ARRDC2: variants seen among roughly 807,000 people sequenced by gnomAD.
The protein encoded by ARRDC2 is arrestin domain-containing protein 2.
ARRDC2 carries 39 observed loss-of-function variants against 38.9 expected under a neutral mutation model. That is an observed-to-expected ratio of 1.00 (90% CI 0.78 to 1.31). The LOEUF (loss-of-function observed/expected upper bound fraction) is 1.31. Among genes scored for constraint, ARRDC2 ranks in the 50% most tolerant of loss-of-function variants. ARRDC2 has a pLI of 0.00. For synonymous variants in ARRDC2, 300 were observed against 261.9 expected (o/e 1.15, Z -1.41); for missense variants, 553 against 588.4 (o/e 0.94, Z 0.62).
At chr19:18,006,390 T>TGAGGCTGGTG (rs1371016858), upstream of ARRDC2, among the ~76,000 whole-genome samples, 2 of 151,992 alleles carry the variant, frequency 1.3e-5, no homozygotes, top group African/African-American at 4.8e-5. Flanking sequence ...CTCGGGAGGC[T>TGAGGCTGGTG]GAGGCTGGTG....
At chr19:18,004,693 CAA>C (rs112781194), upstream of ARRDC2, among the ~76,000 whole-genome samples, 7 of 126,792 alleles carry the variant, frequency 5.5e-5, no homozygotes, top group Admixed American at 1.7e-4. Context: ...GACCCTGTCT[CAA>C]AAAAAAAAAA....
intron 7 of ARRDC2, among the ~76,000 whole-genome samples, chr19:18,012,446 G>T (rs2033433241): frequency 6.6e-6 from 1 of 151,996 alleles, no homozygotes; most frequent in Admixed American, 6.6e-5. Context: ...AATTAGCTGG[G>T]TGTGGTGGCA....
chr19:18,008,120 C>CCCCCCCCCCCCCCCCCCCCCCT, upstream of ARRDC2: 1 of 572,700 alleles, frequency 1.7e-6, no homozygotes, highest in Non-Finnish European at 2.6e-6. Flanking sequence ...ACGGTGACCC[C>CCCCCCCCCCCCCCCCCCCCCCT]ACCCCCCCCC....
At position 18,009,887 on chromosome 19, in the gene ARRDC2, C is replaced by T. The variant is rs1362051873; in HGVS notation, c.697C>T (p.Arg233Ter). 3.7e-6 allele frequency: 6 copies of T among 1,610,686 alleles called. No individual in the cohort carries two copies. Among genetic ancestry groups the T allele is most frequent in the Non-Finnish European group, 5.1e-6 (6 of 1,179,704 alleles). ...QTQTFMARGARKQKRAVVASL... is the reference protein window; with the variant it reads ...QTQTFMARGA The stretch of plus-strand genomic sequence containing the variant: ...ACAGACGTTCATGGCCCGAGGCGCC[C>T]GAAAGCAGAAACGGGCAGTGGTGGC... Residue 233 changes from arginine (R) to a stop codon, truncating the protein, a stop_gained, in exon 5 of 8, where the codon CGA becomes TGA. Coordinates refer to ENST00000222250, the MANE Select transcript of ARRDC2 (RefSeq NM_015683.2). LOFTEE classifies it high-confidence loss of function.
At chr19:18,006,436 C>T (rs377029482), upstream of ARRDC2, among the ~76,000 whole-genome samples, 1 of 152,320 alleles carries the variant, frequency 6.6e-6, no homozygotes, top group Non-Finnish European at 1.5e-5. Context: ...ACCAGCCGGG[C>T]CAACACAGCG....
At chr19:18,003,657 G>T (rs539645193), upstream of ARRDC2, among the ~76,000 whole-genome samples, 100 of 136,260 alleles carry the variant, frequency 7.3e-4, no homozygotes, top group South Asian at 1.2e-3. Context: ...TGTTTGTTTG[G>T]GGGACGGAGT....
At chr19:18,010,468 C>A in intron 6 of ARRDC2, 104 bp from the exon 7 acceptor site, 1 of 1,553,944 alleles carries the variant, frequency 6.4e-7, no homozygotes, top group South Asian at 1.2e-5. Flanking sequence ...AAAGGACATA[C>A]AGCCTGGCAG....
At chr19:18,005,878 C>G (rs543992641), upstream of ARRDC2, among the ~76,000 whole-genome samples, 25 of 146,634 alleles carry the variant, frequency 1.7e-4, 1 homozygote, top group East Asian at 3.6e-3. Flanking sequence ...GACGGGGCGG[C>G]TGCCGGGCGG....
At chr19:18,006,494 C>T (rs547904755), upstream of ARRDC2, among the ~76,000 whole-genome samples, 1 of 152,320 alleles carries the variant, frequency 6.6e-6, no homozygotes, top group South Asian at 2.1e-4. Flanking sequence ...CGGCGCGCGC[C>T]TGCAATCGCA....
At chr19:18,008,161 C>T (rs975387589), upstream of ARRDC2, 31 of 1,410,374 alleles carry the variant, frequency 2.2e-5, no homozygotes, top group South Asian at 2.0e-4. Flanking sequence ...CGCCGACGCA[C>T]GGCGCGGGGA....
intron 1 of ARRDC2, among the ~76,000 whole-genome samples, chr19:18,002,639 A>C (rs1005381478): frequency 1.3e-5 from 2 of 152,194 alleles, no homozygotes; most frequent in African/African-American, 4.8e-5. Context: ...CACAAGAGCC[A>C]CAGGTGCGGG....
Position 18,008,275 on chromosome 19 carries a change from A to G in ARRDC2, c.-36A>G. On this transcript the variant is annotated 5_prime_UTR_variant, in exon 1 of 8. Coordinates refer to ENST00000222250, the MANE Select transcript of ARRDC2 (RefSeq NM_015683.2). ...GCTGCCGGTTCGCGAGTTCGAGGCC[A>G]GGTTCCGCCTGTCGTGGGTTCGCAC... is the stretch of plus-strand genomic sequence containing the variant. The G allele has an allele frequency of 6.3e-7, 1 of 1,575,740 alleles. No individual in the cohort carries two copies. The highest frequency in any genetic ancestry group is 8.5e-7 in the Non-Finnish European group (1 of 1,171,356).
chr19:18,008,395 G>A lies in ARRDC2; in HGVS notation c.85G>A (p.Ala29Thr). The A allele has an allele frequency of 3.1e-6, 5 of 1,595,026 alleles. No homozygotes were observed. Among genetic ancestry groups the A allele is most frequent in the Non-Finnish European group, 4.2e-6 (5 of 1,178,218 alleles). Residue 29 changes from alanine to threonine, a missense_variant, in exon 1 of 8, where the codon GCC becomes ACC. By Grantham distance (58) the Ala-to-Thr change is moderately conservative. Coordinates refer to ENST00000222250, the MANE Select transcript of ARRDC2 (RefSeq NM_015683.2). ...CGAGCCCGTGTTTAGCGGCGGCCAG[G>A]CCGTGGCGGGCCGGGTGCTGCTGGA... ...GVEPVFSGGQAVAGRVLLELS... is the reference protein window; with the variant it reads ...GVEPVFSGGQTVAGRVLLELS...
exon 1 of ARRDC2, chr19:18,001,355 C>A: frequency 8.4e-7 from 1 of 1,194,448 alleles, no homozygotes; most frequent in Non-Finnish European, 1.0e-6. Context: ...CTGGAGCTGG[C>A]GCGGGGCCCG....
upstream of ARRDC2, among the ~76,000 whole-genome samples, chr19:18,004,157 G>T (rs2033229631): frequency 6.9e-6 from 1 of 144,276 alleles, no homozygotes; most frequent in Admixed American, 7.0e-5. Context: ...GAGGCAGGAG[G>T]ATCACTTGAG....
upstream of ARRDC2, chr19:18,008,116 A>AGGGGGG: frequency 7.7e-6 from 4 of 522,500 alleles, no homozygotes; most frequent in Non-Finnish European, 5.8e-6. Flanking sequence ...AGAGACGGTG[A>AGGGGGG]CCCCACCCCC....
rs1012259638 is a variant in ARRDC2, at chr19:18,008,244, T to G, written c.-67T>G. On this transcript the variant is annotated 5_prime_UTR_variant, in exon 1 of 8. Coordinates refer to ENST00000222250, the MANE Select transcript of ARRDC2 (RefSeq NM_015683.2). The stretch of plus-strand genomic sequence containing the variant: ...GCGTTCTGAGGCTGCAGCGTCGGCA[T>G]CTTGAGCTGCCGGTTCGCGAGTTCG... 2.0e-5 allele frequency: 31 copies of G among 1,556,352 alleles called. No individual in the cohort carries two copies. Among genetic ancestry groups the G allele is most frequent in the Non-Finnish European group, 2.6e-5 (30 of 1,163,318 alleles).
At chr19:18,008,128 C>G (rs896124591), upstream of ARRDC2, 13 of 1,037,416 alleles carry the variant, frequency 1.3e-5, 1 homozygote, top group African/African-American at 2.1e-4. Context: ...CCCACCCCCC[C>G]CCGCCCTGCC....
At chr19:18,007,607 C>A (rs549943014), upstream of ARRDC2, 1 of 153,592 alleles carries the variant, frequency 6.5e-6, no homozygotes, top group Admixed American at 6.5e-5. Context: ...AACTGAGGCT[C>A]CAAGAGGTTG....
Sources: gnomAD v4.1 joint callset for allele counts (sites outside exome capture counted in the v4.1 genomes callset) on GRCh38, gnomAD v4.1.1 for gene constraint, MANE v1.5 for transcripts, NCBI Gene and HGNC (gene_info 2026-07-23, HGNC 2026-07-21) for gene names.